Variants in KIF1B observed in about 807,000 individuals in gnomAD.
KIF1B encodes kinesin-like protein KIF1B.
In KIF1B, 76 loss-of-function variants were observed where a neutral mutation model predicts 241.9. The ratio of observed to expected loss-of-function variants is 0.31; its 90% CI spans 0.26 to 0.38. The LOEUF (loss-of-function observed/expected upper bound fraction) is 0.38, where lower values mean the gene tolerates loss of function less well. Among genes scored for constraint, KIF1B ranks in the 10% least tolerant of loss-of-function variants. The probability of loss-of-function intolerance (pLI) is 1.00; values close to 1 mark genes in which losing one functional copy is unlikely to be tolerated. For synonymous variants in KIF1B, 750 were observed against 796.7 expected (o/e 0.94, Z 0.99); for missense variants, 1,622 against 2,271.4 (o/e 0.71, Z 5.81).
chr1:10,342,589 A>C (rs984951217), intron 33 of KIF1B, among the ~76,000 whole-genome samples: 2 of 152,164 alleles, frequency 1.3e-5, no homozygotes, highest in Admixed American at 6.5e-5. Context: ...GAATTTTTTT[A>C]TTTATTAGCT....
intron 1 of KIF1B, among the ~76,000 whole-genome samples, chr1:10,221,028 CTGATA>C (rs1483365192): frequency 6.7e-6 from 1 of 149,520 alleles, no homozygotes; most frequent in Non-Finnish European, 1.5e-5. Flanking sequence ...GATTAAAAAT[CTGATA>C]TGTCAGGAGA....
intron 22 of KIF1B, among the ~76,000 whole-genome samples, chr1:10,312,428 A>G (rs895697536): frequency 2.6e-5 from 4 of 151,420 alleles, no homozygotes; most frequent in African/African-American, 7.4e-5. Flanking sequence ...TGAGTCCCAC[A>G]GAGAATAATG....
At chr1:10,241,754 A>AT (rs1035978523) in intron 2 of KIF1B, among the ~76,000 whole-genome samples, 23 of 147,880 alleles carry the variant, frequency 1.6e-4, no homozygotes, top group South Asian at 2.1e-4. Context: ...ACCATGCCCA[A>AT]TTTTTTTTTT....
chr1:10,375,786 GTTTTTTT>G (rs201620952), intron 48 of KIF1B, among the ~76,000 whole-genome samples: 2 of 69,566 alleles, frequency 2.9e-5, no homozygotes, highest in African/African-American at 1.2e-4. Context: ...TTCTTTTCTT[GTTTTTTT>G]TTTTTTTTTT....
At position 10,348,630 on chromosome 1, in the gene KIF1B, A is replaced by G. The variant is rs777401305; in HGVS notation, c.3865-19A>G. On this transcript the variant is annotated intron_variant, in intron 36 of 48. Coordinates refer to ENST00000676179, the MANE Select transcript of KIF1B (RefSeq NM_001365951.3). ...AATAGATTGCTTCAGCTAAATTGCAACCCTGCTTCATTACCTAGGGCATCC... is the reference window on the plus strand; with the variant it reads ...AATAGATTGCTTCAGCTAAATTGCAGCCCTGCTTCATTACCTAGGGCATCC... 7 of 1,606,956 alleles carry G rather than the reference A, an allele frequency of 4.4e-6. No homozygotes were observed. The South Asian group carries it at 7.7e-5, about 18-fold the overall frequency.
chr1:10,298,270 C>G lies in KIF1B; in HGVS notation c.2115+1024C>G, dbSNP rs142503880. On this transcript the variant is annotated intron_variant, in intron 22 of 48. Transcript: ENST00000676179. ...TGGCTTCTTTCCTTAGTATAAAATA[C>G]AGCATGTAAACTACAGCCTTCTAGT... 2.7e-3 allele frequency among the ~76,000 whole-genome samples: 413 copies of G among 152,280 alleles called. 5 individuals are homozygous for G. The highest frequency in any genetic ancestry group is 2.2e-3 in the Non-Finnish European group (147 of 68,024).
intron 38 of KIF1B, among the ~76,000 whole-genome samples, chr1:10,354,871 C>T (rs753408538): frequency 8.5e-5 from 13 of 152,276 alleles, no homozygotes; most frequent in South Asian, 6.2e-4. Flanking sequence ...AGAGAACTTT[C>T]GTTCTGTTTG....
At chr1:10,305,136 C>T (rs1650762824) in intron 22 of KIF1B, 1 of 1,059,622 alleles carries the variant, frequency 9.4e-7, no homozygotes, top group East Asian at 5.5e-5. Flanking sequence ...TTGGATTTCT[C>T]ATCCACGTCT....
chr1:10,276,472 T>G, intron 12 of KIF1B, 73 bp downstream of exon 12: 1 of 970,470 alleles, frequency 1.0e-6, no homozygotes, highest in Non-Finnish European at 1.6e-6. Context: ...ACCATGGATG[T>G]TTTTATGCTA....
intron 2 of KIF1B, among the ~76,000 whole-genome samples, chr1:10,255,304 T>C (rs1647710855): frequency 6.6e-6 from 1 of 152,044 alleles, no homozygotes; most frequent in Non-Finnish European, 1.5e-5. Flanking sequence ...GAAATAGTAA[T>C]GTGGGCCAGG....
chr1:10,285,979 G>A (rs1649670146), intron 15 of KIF1B, among the ~76,000 whole-genome samples: 1 of 151,820 alleles, frequency 6.6e-6, no homozygotes, highest in Non-Finnish European at 1.5e-5. Flanking sequence ...TGATGTTGCT[G>A]TGGCTTTGTT....
chr1:10,269,091 T>G (rs188557362), intron 7 of KIF1B, among the ~76,000 whole-genome samples: 22 of 152,292 alleles, frequency 1.4e-4, no homozygotes, highest in Admixed American at 2.6e-4. Flanking sequence ...TCAAGTTAGG[T>G]TTATTGTACT....
intron 13 of KIF1B, 50 bp from the exon 14 acceptor site, chr1:10,279,047 T>TGA: frequency 7.1e-7 from 1 of 1,418,438 alleles, no homozygotes; most frequent in Admixed American, 2.0e-5. Flanking sequence ...GTGTCACTGC[T>TGA]GAACCTGAAC....
chr1:10,368,449 T>TAAG lies in KIF1B; in HGVS notation c.4753-18_4753-17insAAG. 1 of 1,608,920 alleles carries TAAG rather than the reference T, an allele frequency of 6.2e-7. No individual in the cohort carries two copies. Among genetic ancestry groups the TAAG allele is most frequent in the South Asian group, 1.1e-5 (1 of 90,984 alleles). On this transcript the variant is annotated splice_polypyrimidine_tract_variant and intron_variant, in intron 43 of 48. Coordinates refer to ENST00000676179, the MANE Select transcript of KIF1B (RefSeq NM_001365951.3). ...TGACATTTTATGTTCAGCTTGCACT[T>TAAG]CTCTTTCTCTTCTTTAGTGCCTGCA...
In KIF1B at chr1:10,348,119, T is replaced by C. The variant is rs115859747; in HGVS notation, c.3864+292T>C. Among the ~76,000 whole-genome samples the C allele has an allele frequency of 9.9e-3, 1,511 of 152,340 alleles. 20 individuals are homozygous for C. Among genetic ancestry groups the C allele is most frequent in the African/African-American group, 0.034 (1,415 of 41,580 alleles). On this transcript the variant is annotated intron_variant, in intron 36 of 48. Transcript: ENST00000676179. The stretch of plus-strand genomic sequence containing the variant: ...AGCTCCTATGTCACTTTTAATACTT[T>C]TCATTTCGTGATGTTTGGAAGCTCT...
intron 14 of KIF1B, among the ~76,000 whole-genome samples, chr1:10,279,737 C>A (rs1220019203): frequency 7.0e-6 from 1 of 143,308 alleles, no homozygotes; most frequent in Non-Finnish European, 1.5e-5. Context: ...ACTCTTGTCA[C>A]CCAAGCTGGA....
intron 35 of KIF1B, among the ~76,000 whole-genome samples, chr1:10,347,270 A>G (rs1652622390): frequency 6.6e-6 from 1 of 152,202 alleles, no homozygotes; most frequent in African/African-American, 2.4e-5. Context: ...TTAAGTTCCT[A>G]CTATGTGTAG....
In KIF1B at chr1:10,337,972, G is replaced by T. The variant is rs1652244204; in HGVS notation, c.3422+439G>T. Among the ~76,000 whole-genome samples, 1 of 152,178 alleles carries T rather than the reference G, an allele frequency of 6.6e-6. No homozygotes were observed. The highest frequency in any genetic ancestry group is 6.5e-5 in the Admixed American group (1 of 15,282). The stretch of plus-strand genomic sequence containing the variant: ...AAGAAGGATAAATTCTACATCAACT[G>T]AAAAAAGCTAGTATGTAGGGAAGAT... On this transcript the variant is annotated intron_variant, in intron 31 of 48. Coordinates refer to ENST00000676179, the MANE Select transcript of KIF1B (RefSeq NM_001365951.3). The surrounding 1 kb of genome is among the most constrained non-coding windows in gnomAD (Gnocchi z 4.0).
chr1:10,373,543 T>G (rs1021539346), intron 45 of KIF1B, among the ~76,000 whole-genome samples: 3 of 151,366 alleles, frequency 2.0e-5, no homozygotes, highest in African/African-American at 7.3e-5. Flanking sequence ...CTAACTTGAT[T>G]TCAAAAAAAA....
Sources: gnomAD v4.1 joint callset for allele counts (sites outside exome capture counted in the v4.1 genomes callset) on GRCh38, gnomAD v4.1.1 for gene constraint, Gnocchi (gnomAD v3.1) non-coding constraint, MANE v1.5 for transcripts, NCBI Gene and HGNC (gene_info 2026-07-23, HGNC 2026-07-21) for gene names.